The following MPRIP variants were observed in gnomAD, a reference collection of about 807,000 sequenced individuals.
MPRIP encodes the protein myosin phosphatase Rho interacting protein, also known as myosin phosphatase Rho-interacting protein.
Under a neutral mutation model 234.9 loss-of-function variants are expected in MPRIP, and 59 were observed. That is an observed-to-expected ratio of 0.25 (90% CI 0.20 to 0.31). The LOEUF (loss-of-function observed/expected upper bound fraction) is 0.31. MPRIP is among the 10% of genes least tolerant of loss of function. The probability of loss-of-function intolerance (pLI) is 1.00; values close to 1 mark genes in which losing one functional copy is unlikely to be tolerated. For synonymous variants in MPRIP, 1,144 were observed against 1,263.9 expected (o/e 0.91, Z 2.01); for missense variants, 2,436 against 3,071.0 (o/e 0.79, Z 4.89).
Position 17,166,809 on chromosome 17 carries a change from G to A in MPRIP, c.5218G>A (p.Gly1740Ser), listed in dbSNP as rs1216574633. 1.5e-6 allele frequency: 2 copies of A among 1,304,194 alleles called. No homozygotes were observed. The highest frequency in any genetic ancestry group is 5.6e-5 in the East Asian group (1 of 18,004). 80.8% of individuals were successfully genotyped at this position (1,304,194 alleles called of 1,614,324 possible). A position where few individuals can be genotyped will look rare whatever the true frequency, so the allele number is the denominator to read the frequency against. Residue 1740 changes from glycine (G) to serine (S), a missense_variant, in exon 16 of 24, where the codon GGT becomes AGT. This residue lies in a region of MPRIP where 1,998 missense variants were observed against 2,520.3 expected (regional missense o/e 0.79). Coordinates refer to ENST00000651222, the MANE Select transcript of MPRIP (RefSeq NM_001364716.4). This position sits in a 1 kb window ranked among gnomAD's most constrained non-coding sequence, Gnocchi z 4.4. The stretch of plus-strand genomic sequence containing the variant: ...CAGGCTTCCAGCGGGCCATGAAGAT[G>A]GTGTTCAGCTGTCCTGGGACCTGAG... ...ALRLPAGHED[G>S]VQLSWDLSPL...
At chr17:17,131,871 C>A (rs2090603623) in intron 5 of MPRIP, among the ~76,000 whole-genome samples, 170 bp downstream of exon 5, 1 of 152,238 alleles carries the variant, frequency 6.6e-6, no homozygotes, top group Non-Finnish European at 1.5e-5. Flanking sequence ...CTCACTGAGC[C>A]ACAGGGGAAC....
intron 3 of MPRIP, chr17:17,096,807 A>G: frequency 2.1e-6 from 1 of 471,134 alleles, no homozygotes; most frequent in Non-Finnish European, 4.4e-6. Context: ...TGGGGAAACC[A>G]CAAGGGAGCT....
chr17:17,178,929 GA>G lies in MPRIP; in HGVS notation c.7121-1064del, dbSNP rs373107590. Among the ~76,000 whole-genome samples, 56 of 146,920 alleles carry G rather than the reference GA, an allele frequency of 3.8e-4. 1 individual carries two copies. The highest frequency in any genetic ancestry group is 2.8e-3 in the Admixed American group (42 of 14,818). ...ATGAGACCCTGCCTCAAAAAAAAAA[GA>G]AAAAAAAAACCTGTGCTGACCTGTG... is the stretch of plus-strand genomic sequence containing the variant. On this transcript the variant is annotated intron_variant, in intron 22 of 23. Transcript: ENST00000651222.
intron 2 of MPRIP, 73 bp downstream of exon 2, chr17:17,075,860 G>C (rs2089316405): frequency 1.4e-6 from 2 of 1,432,106 alleles, no homozygotes; most frequent in East Asian, 4.6e-5. Flanking sequence ...TGGCAGAGTG[G>C]AAGAGGGAGA....
intron 1 of MPRIP, among the ~76,000 whole-genome samples, chr17:17,066,723 C>CTTTTTTTTTTTTTT (rs34804730): frequency 8.2e-5 from 3 of 36,688 alleles, no homozygotes; most frequent in Non-Finnish European, 1.2e-4. Context: ...CTTTTTTCAT[C>CTTTTTTTTTTTTTT]TTTTTTTTTT....
chr17:17,168,626 C>T (rs1010753443), intron 16 of MPRIP: 3 of 349,808 alleles, frequency 8.6e-6, no homozygotes, highest in African/African-American at 6.4e-5. Context: ...AGTGGAGGCC[C>T]AGCTGTCTGG....
At position 17,076,822 on chromosome 17, in the gene MPRIP, G is replaced by A. The variant is rs533098513; in HGVS notation, c.201+1035G>A. 1.5e-4 allele frequency among the ~76,000 whole-genome samples: 23 copies of A among 152,014 alleles called. No homozygotes were observed. In the South Asian group the frequency reaches 4.6e-3, roughly 30 times the overall value. The stretch of plus-strand genomic sequence containing the variant: ...TACAAAATTGCCATTTCCAGCCTCT[G>A]ACAGGAGTCTTTTTATAAATGATAA... On this transcript the variant is annotated intron_variant, in intron 2 of 23. Coordinates refer to ENST00000651222, the MANE Select transcript of MPRIP (RefSeq NM_001364716.4).
At position 17,138,208 on chromosome 17, in the gene MPRIP, C is replaced by CGTAGGCAG; in HGVS notation, c.1031_1032insAGGCAGGT (p.Asp345GlyfsTer80). 1.3e-6 allele frequency: 1 copy of CGTAGGCAG among 795,056 alleles called. No individual in the cohort carries two copies. The highest frequency in any genetic ancestry group is 1.9e-6 in the Non-Finnish European group (1 of 518,584). 49.3% of individuals were successfully genotyped at this position (795,056 alleles called of 1,614,324 possible). ...ATGTGGCCAGCCAGCCACCTGCCTA[C>CGTAGGCAG]GTGGACTCTGGCAGCACTAGGGGGC... On this transcript the variant is annotated frameshift_variant, in exon 7 of 24. Transcript: ENST00000651222. LOFTEE classifies it high-confidence loss of function. The surrounding 1 kb of genome is among the most constrained non-coding windows in gnomAD (Gnocchi z 5.8).
At chr17:17,045,753 T>C (rs1391183478) in intron 1 of MPRIP, among the ~76,000 whole-genome samples, 1 of 152,122 alleles carries the variant, frequency 6.6e-6, no homozygotes, top group East Asian at 1.9e-4. Flanking sequence ...AGAGTGTCAT[T>C]TATCCTCCAG....
intron 6 of MPRIP, 62 bp from the exon 7 acceptor site, chr17:17,137,854 G>A (rs2090734414): frequency 6.9e-7 from 1 of 1,444,690 alleles, no homozygotes; most frequent in African/African-American, 1.5e-5. Flanking sequence ...AAAAAAAAAA[G>A]TCCTCAAAGC....
chr17:17,154,462 G>T, intron 13 of MPRIP, 47 bp downstream of exon 13: 1 of 1,522,066 alleles, frequency 6.6e-7, no homozygotes, highest in Non-Finnish European at 9.1e-7. Flanking sequence ...TCTTGTGGGT[G>T]CCACTCCCGC....
chr17:17,154,556 T>C (rs1199092288), intron 13 of MPRIP, 141 bp downstream of exon 13: 9 of 672,516 alleles, frequency 1.3e-5, no homozygotes, highest in Non-Finnish European at 2.1e-5. Flanking sequence ...CCTGTGTCCT[T>C]CTGTTGCTCA....
At chr17:17,060,107 ACCT>A (rs765665787) in intron 1 of MPRIP, among the ~76,000 whole-genome samples, 4 of 151,876 alleles carry the variant, frequency 2.6e-5, no homozygotes, top group Non-Finnish European at 4.4e-5. Context: ...CAGCTTCCTG[ACCT>A]CCTGCGCAGA....
intron 15 of MPRIP, 49 bp from the exon 16 acceptor site, chr17:17,164,060 A>G: frequency 1.6e-6 from 2 of 1,253,558 alleles, no homozygotes; most frequent in Middle Eastern, 2.3e-4. Context: ...GACACTCAGA[A>G]CTGGGAGGCC....
chr17:17,138,995 A>C lies in MPRIP; in HGVS notation c.1250+566A>C, dbSNP rs1386240122. On this transcript the variant is annotated intron_variant, in intron 7 of 23. Transcript: ENST00000651222. This position sits in a 1 kb window ranked among gnomAD's most constrained non-coding sequence, Gnocchi z 5.8. The stretch of plus-strand genomic sequence containing the variant: ...CCTGTGAAGCAGCTGAGCACCAAAT[A>C]GCATTGCTTTTGCCCTCCAGGGGAG... Among the ~76,000 whole-genome samples, 1 of 152,230 alleles carries C rather than the reference A, an allele frequency of 6.6e-6. No homozygotes were observed. The highest frequency in any genetic ancestry group is 2.4e-5 in the African/African-American group (1 of 41,462).
At chr17:17,135,685 C>T (rs989488521) in intron 5 of MPRIP, among the ~76,000 whole-genome samples, 1 of 152,154 alleles carries the variant, frequency 6.6e-6, no homozygotes, top group Non-Finnish European at 1.5e-5. Context: ...CATGAGGGCT[C>T]CACTCTCATG....
chr17:17,065,876 G>A (rs186112504), intron 1 of MPRIP, among the ~76,000 whole-genome samples: 1 of 152,206 alleles, frequency 6.6e-6, no homozygotes, highest in East Asian at 1.9e-4. Flanking sequence ...ATATTGTGTG[G>A]TATATACACC....
chr17:17,176,081 G>A (rs948549701), intron 20 of MPRIP, among the ~76,000 whole-genome samples: 1 of 152,218 alleles, frequency 6.6e-6, no homozygotes, highest in Non-Finnish European at 1.5e-5. Flanking sequence ...CAAAAGGGCG[G>A]GCAAGAGAGG....
At chr17:17,087,174 G>C (rs1356902587) in intron 3 of MPRIP, among the ~76,000 whole-genome samples, 1 of 152,154 alleles carries the variant, frequency 6.6e-6, no homozygotes, top group Non-Finnish European at 1.5e-5. Context: ...ACAGTTGGGG[G>C]TTCCCACTGT....
Sources: gnomAD v4.1 joint callset for allele counts (sites outside exome capture counted in the v4.1 genomes callset) on GRCh38, gnomAD v4.1.1 for gene constraint, gnomAD v4.1.1 regional missense constraint, Gnocchi (gnomAD v3.1) non-coding constraint, MANE v1.5 for transcripts, NCBI Gene and HGNC (gene_info 2026-07-23, HGNC 2026-07-21) for gene names.